FMN1: variants seen among roughly 807,000 people sequenced by gnomAD.
The protein encoded by FMN1 is formin 1, also known as formin-1.
A neutral mutation model predicts 132.4 loss-of-function variants in FMN1; 110 were observed. That is an observed-to-expected ratio of 0.83 (90% CI 0.71 to 0.97). The LOEUF (loss-of-function observed/expected upper bound fraction) is 0.97. Among genes scored for constraint, FMN1 ranks in the 50% least tolerant of loss-of-function variants. The pLI, the probability that FMN1 is intolerant of heterozygous loss-of-function variation, is 0.00. For synonymous variants in FMN1, 722 were observed against 651.7 expected (o/e 1.11, Z -1.64); for missense variants, 1,792 against 1,705.3 (o/e 1.05, Z -0.90).
intron 4 of FMN1, among the ~76,000 whole-genome samples, chr15:33,128,042 ACAGGT>A (rs1391204478): frequency 1.3e-5 from 2 of 152,176 alleles, no homozygotes; most frequent in African/African-American, 4.8e-5. Flanking sequence ...CAGACACGAC[ACAGGT>A]CAGGTGACAG....
intron 6 of FMN1, among the ~76,000 whole-genome samples, chr15:33,016,923 C>G (rs972566470): frequency 6.6e-6 from 1 of 152,226 alleles, no homozygotes; most frequent in African/African-American, 2.4e-5. Context: ...CTTTCTCTTG[C>G]AAGTCATTTT....
chr15:33,121,757 G>C (rs1485899303), intron 4 of FMN1, among the ~76,000 whole-genome samples: 1 of 152,040 alleles, frequency 6.6e-6, no homozygotes, highest in Non-Finnish European at 1.5e-5. Context: ...TCAATCTCCT[G>C]ACCCCTCAAG....
chr15:33,025,848 C>A (rs1198687726), intron 6 of FMN1, among the ~76,000 whole-genome samples: 1 of 152,108 alleles, frequency 6.6e-6, no homozygotes, highest in Non-Finnish European at 1.5e-5. Flanking sequence ...GAATATCTTT[C>A]AAGAACTTTC....
chr15:32,887,215 G>C (rs935595810), intron 16 of FMN1, among the ~76,000 whole-genome samples: 1 of 152,012 alleles, frequency 6.6e-6, no homozygotes. Flanking sequence ...TTTTAAAAAT[G>C]TTTACTTTAT....
Position 33,108,849 on chromosome 15 carries a change from T to C in FMN1, c.1868-19875A>G, listed in dbSNP as rs75246703. ...CAGATAAAACCCAAAAAGCAATTCA[T>C]CCTAAATTTCACACATTGTTGTCTT... On this transcript the variant is annotated intron_variant, in intron 4 of 20. Coordinates refer to ENST00000616417, the MANE Select transcript of FMN1 (RefSeq NM_001277313.2). Among the ~76,000 whole-genome samples the C allele has an allele frequency of 5.8e-3, 884 of 152,228 alleles. 11 individuals carry two copies. Among genetic ancestry groups the C allele is most frequent in the African/African-American group, 0.02 (843 of 41,568 alleles).
In FMN1 at chr15:33,070,123, G is replaced by A. The variant is rs558041913; in HGVS notation, c.2044-5049C>T. 4.1e-5 allele frequency among the ~76,000 whole-genome samples: 6 copies of A among 146,374 alleles called. No homozygotes were observed. The South Asian group carries it at 8.8e-4, about 22-fold the overall frequency. ...CGGGTTCAAGTGATTCTTCTGCCTC[G>A]GCCTCCTGAGTAGCTGGAATTACAG... On this transcript the variant is annotated intron_variant, in intron 5 of 20. Transcript: ENST00000616417.
intron 6 of FMN1, among the ~76,000 whole-genome samples, chr15:33,008,330 G>A (rs2034525779): frequency 6.6e-6 from 1 of 152,022 alleles, no homozygotes; most frequent in Admixed American, 6.6e-5. Flanking sequence ...GAAAAAAAAA[G>A]GGATGATGAG....
intron 19 of FMN1, among the ~76,000 whole-genome samples, chr15:32,790,232 T>A (rs1308811806): frequency 6.6e-6 from 1 of 152,236 alleles, no homozygotes; most frequent in Non-Finnish European, 1.5e-5. Context: ...CGCCTCTTTA[T>A]GTCTATGTAG....
At position 33,151,344 on chromosome 15, in the gene FMN1, G is replaced by A. The variant is rs1159365001; in HGVS notation, c.1867+1704C>T. 4 of 1,536,524 alleles carry A rather than the reference G, an allele frequency of 2.6e-6. No homozygotes were observed. Among genetic ancestry groups the A allele is most frequent in the Non-Finnish European group, 3.5e-6 (4 of 1,147,004 alleles). Reference sequence around the variant, plus strand: ...GAGATGCTTACAGTTCTTATGACTGGTTCCTGAAAGTGCTGCTGAAGATCC... The same window carrying A: ...GAGATGCTTACAGTTCTTATGACTGATTCCTGAAAGTGCTGCTGAAGATCC... On this transcript the variant is annotated intron_variant, in intron 4 of 20. Coordinates refer to ENST00000616417, the MANE Select transcript of FMN1 (RefSeq NM_001277313.2).
chr15:33,175,879 A>G (rs1048935543), intron 3 of FMN1, among the ~76,000 whole-genome samples: 1 of 152,202 alleles, frequency 6.6e-6, no homozygotes, highest in African/African-American at 2.4e-5. Context: ...TGAGGCTACA[A>G]TGCCTCAAAA....
At chr15:33,026,974 CA>C (rs2035706800) in intron 6 of FMN1, among the ~76,000 whole-genome samples, 1 of 152,132 alleles carries the variant, frequency 6.6e-6, no homozygotes, top group Admixed American at 6.6e-5. Flanking sequence ...TCCTACCATT[CA>C]AAATTTAAGA....
chr15:33,073,184 A>T (rs994078537), intron 5 of FMN1, among the ~76,000 whole-genome samples: 4 of 152,174 alleles, frequency 2.6e-5, no homozygotes, highest in Non-Finnish European at 5.9e-5. Context: ...TCACCCCCAC[A>T]TTCTCATCAG....
intron 9 of FMN1, among the ~76,000 whole-genome samples, chr15:32,951,470 C>A (rs931704629): frequency 6.6e-6 from 1 of 151,668 alleles, no homozygotes; most frequent in African/African-American, 2.4e-5. Flanking sequence ...CACGCACACA[C>A]AAATAGGGGA....
chr15:32,906,716 T>C (rs547705342), intron 12 of FMN1, among the ~76,000 whole-genome samples: 38 of 152,324 alleles, frequency 2.5e-4, no homozygotes, highest in African/African-American at 7.5e-4. Flanking sequence ...TAAGAGGGAT[T>C]CATTTGTTAT....
chr15:32,850,899 A>G (rs2058992963), intron 17 of FMN1, among the ~76,000 whole-genome samples: 1 of 152,110 alleles, frequency 6.6e-6, no homozygotes, highest in Non-Finnish European at 1.5e-5. Context: ...GATATTAAGA[A>G]TATCTCTAAT....
Position 32,969,005 on chromosome 15 carries a change from G to C in FMN1, c.2696C>G (p.Ala899Gly), listed in dbSNP as rs1373183370. The change falls in exon 8 of 21, where the codon GCT (alanine) becomes GGT (glycine). Residue 899 changes from alanine to glycine, a missense_variant. Ala to Gly is a moderately conservative substitution (Grantham distance 60). Coordinates refer to ENST00000616417, the MANE Select transcript of FMN1 (RefSeq NM_001277313.2). Reference sequence around the variant, plus strand: ...AGGCGGAGGTGGTAGCGGTGGCCCAGCACTCACAGGTGGCATTGGAGGTGC... The same window carrying C: ...AGGCGGAGGTGGTAGCGGTGGCCCACCACTCACAGGTGGCATTGGAGGTGC... ...SPAPPMPPVS[A>G]GPPLPPPPPP... The C allele has an allele frequency of 1.7e-6, 2 of 1,195,952 alleles. No individual in the cohort carries two copies. Among genetic ancestry groups the C allele is most frequent in the Non-Finnish European group, 2.4e-6 (2 of 850,108 alleles). The allele number at this position is 1,195,952 out of a possible 1,614,324, so 74.1% of individuals were successfully genotyped here.
At position 32,770,932 on chromosome 15, in the gene FMN1, C is replaced by T. The variant is rs2056214783; in HGVS notation, c.*3378G>A. On this transcript the variant is annotated 3_prime_UTR_variant, in exon 21 of 21. Transcript: ENST00000616417. ...AACTGTTGGGCAGTAGGACCATCAC[C>T]TATGACCTCTGGGCCCCCACCGTCA... 6.6e-6 allele frequency: 1 copy of T among 151,744 alleles called. No homozygotes were observed. The highest frequency in any genetic ancestry group is 2.4e-5 in the African/African-American group (1 of 41,292). The allele number at this position is 151,744 out of a possible 1,614,324, so 9.4% of individuals were successfully genotyped here.
chr15:32,844,254 C>CT, intron 17 of FMN1, among the ~76,000 whole-genome samples: 1 of 152,174 alleles, frequency 6.6e-6, no homozygotes, highest in East Asian at 1.9e-4. Flanking sequence ...TATCTTTTTC[C>CT]ATCATTTTTA....
intron 8 of FMN1, among the ~76,000 whole-genome samples, chr15:32,964,719 T>G (rs1002168352): frequency 3.3e-5 from 5 of 152,230 alleles, no homozygotes; most frequent in Admixed American, 3.3e-4. Context: ...CTCTTTGGAC[T>G]TTTTCAACTA....
Sources: gnomAD v4.1 joint callset for allele counts (sites outside exome capture counted in the v4.1 genomes callset) on GRCh38, gnomAD v4.1.1 for gene constraint, MANE v1.5 for transcripts, NCBI Gene and HGNC (gene_info 2026-07-23, HGNC 2026-07-21) for gene names.